Variants in FRMD3 observed in about 807,000 individuals in gnomAD.
The protein encoded by FRMD3 is FERM domain-containing protein 3.
FRMD3 carries 33 observed loss-of-function variants against 70.2 expected under a neutral mutation model. The ratio of observed to expected loss-of-function variants is 0.47; its 90% CI spans 0.36 to 0.63. FRMD3 has a LOEUF of 0.63. Ranked by LOEUF, FRMD3 falls within the 20% of genes least tolerant of loss-of-function variation. The probability of loss-of-function intolerance (pLI) is 0.00; values close to 1 mark genes in which losing one functional copy is unlikely to be tolerated. For missense variants in FRMD3, 632 were observed against 711.4 expected, an observed-to-expected ratio of 0.89 and a Z score of 1.27; for synonymous variants, 279 against 255.9, an observed-to-expected ratio of 1.09 and a Z score of -0.86.
chr9:83,290,480 G>C, intron 13 of FRMD3, 123 bp downstream of exon 13: 2 of 1,099,690 alleles, frequency 1.8e-6, no homozygotes, highest in South Asian at 2.7e-5. Flanking sequence ...TAAAAACATA[G>C]TTTATGGCCC....
At chr9:83,458,012 A>C (rs940504973) in intron 1 of FRMD3, among the ~76,000 whole-genome samples, 2 of 151,162 alleles carry the variant, frequency 1.3e-5, no homozygotes. Context: ...AAAAAAAAAA[A>C]AAAAAAAAAA....
chr9:83,341,771 G>A (rs1264431238), intron 5 of FRMD3, among the ~76,000 whole-genome samples: 1 of 152,086 alleles, frequency 6.6e-6, no homozygotes, highest in African/African-American at 2.4e-5. Flanking sequence ...CTGTTCCCAG[G>A]GAAGGGGGTG....
chr9:83,261,195 C>T (rs1439072944), intron 13 of FRMD3, among the ~76,000 whole-genome samples: 3 of 150,324 alleles, frequency 2.0e-5, no homozygotes, highest in African/African-American at 7.3e-5. Context: ...TGGAACACTG[C>T]CTCTCATGTA....
chr9:83,422,083 G>A (rs918649465), intron 1 of FRMD3, among the ~76,000 whole-genome samples: 7 of 152,162 alleles, frequency 4.6e-5, no homozygotes, highest in Non-Finnish European at 1.0e-4. Flanking sequence ...AATTTAGCTG[G>A]GTGTGGTGGT....
At chr9:83,467,489 G>T in intron 1 of FRMD3, 1 of 724,884 alleles carries the variant, frequency 1.4e-6, no homozygotes, top group South Asian at 1.6e-5. Context: ...AGACCCTCCC[G>T]AATTTCACAT....
chr9:83,331,716 C>T, intron 6 of FRMD3: 1 of 652,248 alleles, frequency 1.5e-6, no homozygotes. Context: ...TCTGTGCCTT[C>T]CTTTCAATTT....
intron 2 of FRMD3, among the ~76,000 whole-genome samples, chr9:83,380,300 C>A (rs1383230962): frequency 6.6e-6 from 1 of 152,086 alleles, no homozygotes; most frequent in Non-Finnish European, 1.5e-5. Flanking sequence ...ATGAGCTACA[C>A]AAAGGGGGTG....
At chr9:83,487,448 T>C (rs566131930) in intron 1 of FRMD3, among the ~76,000 whole-genome samples, 5 of 152,328 alleles carry the variant, frequency 3.3e-5, no homozygotes, top group African/African-American at 1.2e-4. Flanking sequence ...TATGAACCAC[T>C]TTTTCCTCAT....
chr9:83,333,330 C>T (rs1270345390), intron 6 of FRMD3, among the ~76,000 whole-genome samples: 1 of 152,156 alleles, frequency 6.6e-6, no homozygotes, highest in Non-Finnish European at 1.5e-5. Flanking sequence ...ACCACATGTG[C>T]CATAGAATGG....
chr9:83,252,989 T>C (rs1832501789), intron 13 of FRMD3, among the ~76,000 whole-genome samples: 1 of 152,196 alleles, frequency 6.6e-6, no homozygotes, highest in Non-Finnish European at 1.5e-5. Flanking sequence ...TTAACAAAGA[T>C]ATTCAGGACC....
chr9:83,338,425 T>C (rs1823649258), intron 5 of FRMD3, among the ~76,000 whole-genome samples: 1 of 152,218 alleles, frequency 6.6e-6, no homozygotes, highest in Non-Finnish European at 1.5e-5. Flanking sequence ...CAAGGTTTTT[T>C]TTATGACAGC....
chr9:83,511,916 G>T (rs1236670773), intron 1 of FRMD3, among the ~76,000 whole-genome samples: 1 of 152,134 alleles, frequency 6.6e-6, no homozygotes, highest in Non-Finnish European at 1.5e-5. Flanking sequence ...TGCTTCTTTT[G>T]CAGGGCCCCT....
chr9:83,466,789 G>T (rs985319607), intron 1 of FRMD3, among the ~76,000 whole-genome samples: 4 of 152,180 alleles, frequency 2.6e-5, no homozygotes, highest in African/African-American at 9.7e-5. Context: ...CTACCTTCTT[G>T]CACCTGTGTA....
chr9:83,353,385 T>G (rs72743079), intron 3 of FRMD3, among the ~76,000 whole-genome samples: 5 of 152,102 alleles, frequency 3.3e-5, no homozygotes, highest in Non-Finnish European at 7.4e-5. Context: ...CTAAAGAATG[T>G]TCCTTCACAG....
At chr9:83,422,915 C>CG (rs1464166994) in intron 1 of FRMD3, among the ~76,000 whole-genome samples, 1 of 152,158 alleles carries the variant, frequency 6.6e-6, no homozygotes, top group Non-Finnish European at 1.5e-5. Flanking sequence ...CAGAAGCCTC[C>CG]GATGGAGGAT....
rs1234365479 is a variant in FRMD3, at chr9:83,247,380, GCTT to G, written c.*535_*537del. On this transcript the variant is annotated 3_prime_UTR_variant, in exon 14 of 14. Coordinates refer to ENST00000304195, the MANE Select transcript of FRMD3 (RefSeq NM_174938.6). ...CTGTACATGTAAATAACTCCAGGAG[GCTT>G]CTTTTTTTTTTTTGCTAAAAATTTA... 5 of 821,700 alleles carry G rather than the reference GCTT, an allele frequency of 6.1e-6. No individual in the cohort carries two copies. The highest frequency in any genetic ancestry group is 3.3e-5 in the African/African-American group (1 of 30,400). 50.9% of individuals were successfully genotyped at this position (821,700 alleles called of 1,614,324 possible).
chr9:83,551,848 A>G, the FRMD3 span, among the ~76,000 whole-genome samples: 3 of 150,048 alleles, frequency 2.0e-5, no homozygotes, highest in Admixed American at 6.6e-5. Flanking sequence ...AATTGTGTTT[A>G]TTTGGATCTT....
chr9:83,342,966 G>C (rs989657130), intron 5 of FRMD3, among the ~76,000 whole-genome samples: 3 of 152,276 alleles, frequency 2.0e-5, no homozygotes, highest in African/African-American at 7.2e-5. Flanking sequence ...GAGCAACTCT[G>C]TTTTTGCAGA....
At chr9:83,344,248 G>A (rs137967865) in intron 4 of FRMD3, among the ~76,000 whole-genome samples, 289 of 152,202 alleles carry the variant, frequency 1.9e-3, no homozygotes, top group Middle Eastern at 6.8e-3. Context: ...GATTCTTTCC[G>A]TGCTTCCTTT....
Sources: gnomAD v4.1 joint callset for allele counts (sites outside exome capture counted in the v4.1 genomes callset) on GRCh38, gnomAD v4.1.1 for gene constraint, MANE v1.5 for transcripts, NCBI Gene and HGNC (gene_info 2026-07-23, HGNC 2026-07-21) for gene names.